The following DPP10 variants were observed in gnomAD, a reference collection of about 807,000 sequenced individuals.
DPP10 encodes dipeptidyl peptidase like 10.
DPP10 carries 33 observed loss-of-function variants against 120.9 expected under a neutral mutation model. That is an observed-to-expected ratio of 0.27 (90% CI 0.21 to 0.37). The LOEUF (loss-of-function observed/expected upper bound fraction) is 0.37, where lower values mean the gene tolerates loss of function less well. Ranked by LOEUF, DPP10 falls within the 10% of genes least tolerant of loss-of-function variation. DPP10 has a pLI of 1.00. For missense variants in DPP10, 816 were observed against 942.8 expected (o/e 0.87, Z 1.76); for synonymous variants, 337 against 326.1 (o/e 1.03, Z -0.36).
intron 3 of DPP10, among the ~76,000 whole-genome samples, chr2:115,405,282 G>A (rs747688116): frequency 9.2e-5 from 14 of 152,206 alleles, no homozygotes; most frequent in Non-Finnish European, 1.9e-4. Flanking sequence ...GCCCAGCAGG[G>A]TAGACATTAA....
At chr2:114,912,536 C>T (rs1430708671) in intron 1 of DPP10, among the ~76,000 whole-genome samples, 1 of 152,016 alleles carries the variant, frequency 6.6e-6, no homozygotes, top group African/African-American at 2.4e-5. Flanking sequence ...CCAAGAAGAG[C>T]TTCTCCCACC....
intron 1 of DPP10, among the ~76,000 whole-genome samples, chr2:114,945,235 G>T (rs374940407): frequency 1.3e-5 from 2 of 152,150 alleles, no homozygotes; most frequent in African/African-American, 4.8e-5. Context: ...AAATTGATAC[G>T]TTGCATTTTA....
At chr2:114,761,996 CTG>C (rs1680322195) in intron 1 of DPP10, among the ~76,000 whole-genome samples, 1 of 152,140 alleles carries the variant, frequency 6.6e-6, no homozygotes, top group East Asian at 1.9e-4. Flanking sequence ...TGAAATAACA[CTG>C]TGCTAGCTGC....
intron 1 of DPP10, among the ~76,000 whole-genome samples, chr2:114,594,834 C>T (rs1329234838): frequency 6.6e-6 from 1 of 151,938 alleles, no homozygotes; most frequent in East Asian, 1.9e-4. Flanking sequence ...TGGGTTCTTT[C>T]TCCATTTGCT....
chr2:114,856,225 A>G (rs1689358135), intron 1 of DPP10, among the ~76,000 whole-genome samples: 1 of 152,170 alleles, frequency 6.6e-6, no homozygotes, highest in South Asian at 2.1e-4. Flanking sequence ...GCAAACTACA[A>G]TGGCTGACTT....
chr2:115,088,716 G>C (rs1432590767), intron 1 of DPP10, among the ~76,000 whole-genome samples: 2 of 107,500 alleles, frequency 1.9e-5, no homozygotes, highest in Admixed American at 2.9e-4. Flanking sequence ...AAAGTGCCGG[G>C]ATTAGGATTA....
intron 1 of DPP10, among the ~76,000 whole-genome samples, chr2:115,084,184 G>A (rs2104513953): frequency 6.6e-6 from 1 of 152,260 alleles, no homozygotes; most frequent in African/African-American, 2.4e-5. Context: ...TGGACTCTGT[G>A]AAGTCAAGTA....
intron 1 of DPP10, among the ~76,000 whole-genome samples, chr2:115,037,717 A>G (rs974277848): frequency 6.6e-6 from 1 of 152,228 alleles, no homozygotes; most frequent in South Asian, 2.1e-4. Context: ...AAAAATTTGC[A>G]CACTGATCTA....
chr2:115,836,118 A>T (rs138135858), intron 21 of DPP10, 39 bp from the exon 22 acceptor site: 67 of 890,236 alleles, frequency 7.5e-5, no homozygotes, highest in Admixed American at 4.0e-4. Flanking sequence ...TGTGTGTGTG[A>T]GATATATATA....
At chr2:115,329,628 T>C (rs1453035129) in intron 2 of DPP10, among the ~76,000 whole-genome samples, 3 of 152,124 alleles carry the variant, frequency 2.0e-5, no homozygotes, top group Non-Finnish European at 4.4e-5. Context: ...GATGTTCCCC[T>C]TCCTGTGTCC....
intron 1 of DPP10, among the ~76,000 whole-genome samples, chr2:114,533,097 T>C (rs1338272934): frequency 6.6e-6 from 1 of 152,192 alleles, no homozygotes; most frequent in Non-Finnish European, 1.5e-5. Flanking sequence ...CAAGGAATTT[T>C]ATTCTCTGGT....
chr2:115,155,185 A>G (rs2051826524), intron 1 of DPP10, among the ~76,000 whole-genome samples: 1 of 152,034 alleles, frequency 6.6e-6, no homozygotes, highest in Admixed American at 6.5e-5. Context: ...TAGGGCTATT[A>G]TATTTAATTG....
intron 1 of DPP10, among the ~76,000 whole-genome samples, chr2:114,850,928 C>A (rs911355151): frequency 6.6e-6 from 1 of 151,846 alleles, no homozygotes; most frequent in Non-Finnish European, 1.5e-5. Flanking sequence ...TCTTTGGAAA[C>A]CTTCTAGATG....
At chr2:114,602,899 G>A (rs1250894521) in intron 1 of DPP10, among the ~76,000 whole-genome samples, 2 of 152,042 alleles carry the variant, frequency 1.3e-5, no homozygotes, top group Non-Finnish European at 2.9e-5. Context: ...ATATTTAGCA[G>A]TGTATAAATT....
intron 1 of DPP10, among the ~76,000 whole-genome samples, chr2:115,228,562 C>T (rs1453274624): frequency 6.6e-6 from 1 of 152,044 alleles, no homozygotes; most frequent in East Asian, 1.9e-4. Context: ...ATTCTACTCT[C>T]TATCTCTGTA....
At chr2:114,718,989 G>C (rs2105897690) in intron 1 of DPP10, among the ~76,000 whole-genome samples, 1 of 152,304 alleles carries the variant, frequency 6.6e-6, no homozygotes, top group East Asian at 1.9e-4. Context: ...GTTCCCATCT[G>C]AGCAGATCAA....
At position 115,412,501 on chromosome 2, in the gene DPP10, T is replaced by G. The variant is rs552374560; in HGVS notation, c.271+68589T>G. Among the ~76,000 whole-genome samples the G allele has an allele frequency of 7.7e-4, 118 of 152,316 alleles. 1 individual carries two copies. The highest frequency in any genetic ancestry group is 2.7e-3 in the African/African-American group (111 of 41,568). ...GTCTACTCGAAGGTTCATCGAAATT[T>G]AAATTTGTTGTGAATTCTTCACAAT... On this transcript the variant is annotated intron_variant, in intron 3 of 25. Coordinates refer to ENST00000410059, the MANE Select transcript of DPP10 (RefSeq NM_020868.6).
At chr2:114,761,569 C>G (rs191624553) in intron 1 of DPP10, among the ~76,000 whole-genome samples, 7 of 152,288 alleles carry the variant, frequency 4.6e-5, no homozygotes, top group Admixed American at 3.9e-4. Context: ...TCAGATGTAA[C>G]CTAGACCCCT....
intron 1 of DPP10, among the ~76,000 whole-genome samples, chr2:114,493,179 G>A (rs1367074924): frequency 1.3e-5 from 2 of 152,248 alleles, no homozygotes; most frequent in East Asian, 1.9e-4. Context: ...GTGTGGTGGT[G>A]AGCAGATGAA....
Sources: gnomAD v4.1 joint callset for allele counts (sites outside exome capture counted in the v4.1 genomes callset) on GRCh38, gnomAD v4.1.1 for gene constraint, MANE v1.5 for transcripts, NCBI Gene and HGNC (gene_info 2026-07-23, HGNC 2026-07-21) for gene names.